The following LIMA1 variants were observed in gnomAD, a reference collection of about 807,000 sequenced individuals.
LIMA1 encodes LIM domain and actin-binding protein 1.
A neutral mutation model predicts 62.6 loss-of-function variants in LIMA1; 52 were observed. The ratio of observed to expected loss-of-function variants is 0.83; its 90% CI spans 0.67 to 1.05. The LOEUF is 1.05. Ranked by LOEUF, LIMA1 falls within the 50% of genes least tolerant of loss-of-function variation. LIMA1 has a pLI of 0.00. For synonymous variants in LIMA1, 302 were observed against 317.8 expected, an observed-to-expected ratio of 0.95 and a Z score of 0.53; for missense variants, 780 against 902.2, an observed-to-expected ratio of 0.86 and a Z score of 1.74.
At chr12:50,269,028 T>C (rs1942172513) in intron 1 of LIMA1, among the ~76,000 whole-genome samples, 1 of 152,160 alleles carries the variant, frequency 6.6e-6, no homozygotes, top group South Asian at 2.1e-4. Context: ...CCAAGGCTCC[T>C]TTTGGCTCAA....
In LIMA1 at chr12:50,248,649, C is replaced by T; in HGVS notation, c.103G>A (p.Val35Met). ...AGCACTTACTTGGAGAATATTTCCA[C>T]AATAGCCGATGACTTGTTCTTGTTG... ...LVNKNKSSAI[V>M]EIFSKYQKAA... Residue 35 changes from valine (V) to methionine (M), a missense_variant, in exon 2 of 11, where the codon GTG (valine) becomes ATG (methionine). Val to Met is a conservative substitution (Grantham distance 21, BLOSUM62 1). Transcript: ENST00000341247. 1 of 1,610,016 alleles carries T rather than the reference C, an allele frequency of 6.2e-7. No individual in the cohort carries two copies. Among genetic ancestry groups the T allele is most frequent in the Non-Finnish European group, 8.5e-7 (1 of 1,176,264 alleles).
At chr12:50,210,101 A>T (rs191379918) in intron 4 of LIMA1, among the ~76,000 whole-genome samples, 1 of 152,342 alleles carries the variant, frequency 6.6e-6, no homozygotes, top group Non-Finnish European at 1.5e-5. Context: ...TCAAAATGGG[A>T]GAAAGCCTAC....
At chr12:50,186,021 G>A (rs1940623012) in intron 9 of LIMA1, 1 of 152,868 alleles carries the variant, frequency 6.5e-6, no homozygotes, top group African/African-American at 2.4e-5. Context: ...CACAGCGGCT[G>A]CGGCTGTGCC....
At chr12:50,180,120 G>C (rs1940461730) in intron 10 of LIMA1, among the ~76,000 whole-genome samples, 1 of 152,038 alleles carries the variant, frequency 6.6e-6, no homozygotes, top group Non-Finnish European at 1.5e-5. Context: ...GGCTAACATG[G>C]TGAAACCTCA....
intron 1 of LIMA1, among the ~76,000 whole-genome samples, chr12:50,250,608 G>C (rs1200664355): frequency 7.4e-6 from 1 of 135,422 alleles, no homozygotes; most frequent in East Asian, 2.1e-4. Context: ...TGCAGAATAA[G>C]CAATGGACAA....
chr12:50,235,273 C>CTTTTTTTTT lies in LIMA1; in HGVS notation c.120-3572_120-3564dup. Among the ~76,000 whole-genome samples the CTTTTTTTTT allele has an allele frequency of 1.6e-5, 2 of 124,370 alleles. 1 individual carries two copies. The highest frequency in any genetic ancestry group is 3.3e-5 in the Non-Finnish European group (2 of 59,836). The allele number at this position is 124,370 out of a possible 152,430, so 81.6% of individuals were successfully genotyped here. On this transcript the variant is annotated intron_variant, in intron 2 of 10. Transcript: ENST00000341247. Reference sequence around the variant, plus strand: ...CATAAAGGGTCTTCCAATCCTATCACTTTTTTTTTTTTTTTTTTTTTTTGA... The same window carrying CTTTTTTTTT: ...CATAAAGGGTCTTCCAATCCTATCACTTTTTTTTTTTTTTTTTTTTTTTTTTTTTTTTGA...
At chr12:50,260,300 A>T (rs978762018) in intron 1 of LIMA1, among the ~76,000 whole-genome samples, 1 of 152,044 alleles carries the variant, frequency 6.6e-6, no homozygotes, top group African/African-American at 2.4e-5. Context: ...GGTGCTCACC[A>T]CCATACCCGG....
chr12:50,239,826 T>C (rs1364168020), intron 2 of LIMA1, among the ~76,000 whole-genome samples: 1 of 150,684 alleles, frequency 6.6e-6, no homozygotes, highest in Non-Finnish European at 1.5e-5. Flanking sequence ...CGAGACCCCA[T>C]CTCTTAAAAA....
intron 3 of LIMA1, among the ~76,000 whole-genome samples, chr12:50,229,042 CTTCT>C (rs1941571764): frequency 6.6e-6 from 1 of 152,142 alleles, no homozygotes; most frequent in African/African-American, 2.4e-5. Flanking sequence ...ATTCTTGATT[CTTCT>C]TTCTCTCTAC....
chr12:50,250,290 C>CAAAAA (rs11327744), intron 1 of LIMA1, among the ~76,000 whole-genome samples: 1 of 64,614 alleles, frequency 1.5e-5, no homozygotes, highest in African/African-American at 6.0e-5. Context: ...AACTCCGTTT[C>CAAAAA]AAAAAAAAAA....
chr12:50,193,304 CAGA>C (rs1023353114), intron 8 of LIMA1, among the ~76,000 whole-genome samples: 66 of 151,258 alleles, frequency 4.4e-4, no homozygotes, highest in African/African-American at 1.4e-3. Context: ...TGGATTCAAG[CAGA>C]AGGAGTTTTT....
Position 50,192,532 on chromosome 12 carries a change from G to C in LIMA1, c.1060C>G (p.Gln354Glu). Residue 354 changes from glutamine to glutamate, a missense_variant, in exon 9 of 11, where the codon CAG (glutamine) becomes GAG (glutamate). Transcript: ENST00000341247. ...CTTAGTGGCTTGGGATGGACAGGCT[G>C]TTGAACCTCACTCTTAACCTGGGAG... ...RDSQVKSEVQ[Q>E]PVHPKPLSPD... The C allele has an allele frequency of 6.2e-7, 1 of 1,613,940 alleles. No homozygotes were observed. The highest frequency in any genetic ancestry group is 8.5e-7 in the Non-Finnish European group (1 of 1,179,814).
chr12:50,230,264 A>T (rs1592539114), intron 3 of LIMA1, among the ~76,000 whole-genome samples: 1 of 152,190 alleles, frequency 6.6e-6, no homozygotes, highest in Non-Finnish European at 1.5e-5. Context: ...CCCAACTCCT[A>T]ACTTCAGGTG....
chr12:50,231,297 A>G (rs1239011677), intron 3 of LIMA1, among the ~76,000 whole-genome samples: 2 of 152,234 alleles, frequency 1.3e-5, no homozygotes, highest in Admixed American at 6.5e-5. Context: ...CTGCACAGCT[A>G]CTACCATTTA....
chr12:50,195,819 A>C lies in LIMA1; in HGVS notation c.1030+11T>G, dbSNP rs1362319171. 1 of 1,599,102 alleles carries C rather than the reference A, an allele frequency of 6.3e-7. No individual in the cohort carries two copies. Among genetic ancestry groups the C allele is most frequent in the Non-Finnish European group, 8.5e-7 (1 of 1,175,788 alleles). On this transcript the variant is annotated intron_variant, in intron 8 of 10. Coordinates refer to ENST00000341247, the MANE Select transcript of LIMA1 (RefSeq NM_016357.5). ...GAACCTCATCCTCCAGATCTAAGAA[A>C]GAATGCTTACGGGAGTCATCTTCGG...
intron 1 of LIMA1, among the ~76,000 whole-genome samples, chr12:50,258,977 C>G (rs1942033087): frequency 6.6e-6 from 1 of 152,068 alleles, no homozygotes; most frequent in Admixed American, 6.6e-5. Context: ...TAAATTCATA[C>G]TGATATTTCT....
chr12:50,281,747 T>C (rs1313884746), intron 1 of LIMA1, among the ~76,000 whole-genome samples: 2 of 152,160 alleles, frequency 1.3e-5, no homozygotes, highest in Non-Finnish European at 2.9e-5. Flanking sequence ...TACAAATACA[T>C]AGATTGAAGA....
chr12:50,217,008 C>G (rs1225223371), intron 4 of LIMA1, among the ~76,000 whole-genome samples: 1 of 152,058 alleles, frequency 6.6e-6, no homozygotes, highest in Admixed American at 6.6e-5. Context: ...CACTATACCA[C>G]CAATGCCACC....
At position 50,176,441 on chromosome 12, in the gene LIMA1, T is replaced by C. The variant is rs1592484208; in HGVS notation, c.*623A>G. 6.6e-6 allele frequency: 1 copy of C among 152,216 alleles called. No homozygotes were observed. The highest frequency in any genetic ancestry group is 1.5e-5 in the Non-Finnish European group (1 of 68,034). 9.4% of individuals were successfully genotyped at this position (152,216 alleles called of 1,614,324 possible). On this transcript the variant is annotated 3_prime_UTR_variant, in exon 11 of 11. Transcript: ENST00000341247. ...TTGGTTTTTCAATTGCCTCAAAAAGTGCTCTGTTGTATTATACCTCAGGAC... is the reference window on the plus strand; with the variant it reads ...TTGGTTTTTCAATTGCCTCAAAAAGCGCTCTGTTGTATTATACCTCAGGAC...
Sources: gnomAD v4.1 joint callset for allele counts (sites outside exome capture counted in the v4.1 genomes callset) on GRCh38, gnomAD v4.1.1 for gene constraint, MANE v1.5 for transcripts, NCBI Gene and HGNC (gene_info 2026-07-23, HGNC 2026-07-21) for gene names.